The following CYTH3 variants were observed in gnomAD, a reference collection of about 807,000 sequenced individuals.
The protein encoded by CYTH3 is cytohesin 3.
In CYTH3, 23 loss-of-function variants were observed where a neutral mutation model predicts 55.1. The observed-to-expected ratio is 0.42, with a 90% CI of 0.30 to 0.59. The LOEUF (loss-of-function observed/expected upper bound fraction) is 0.59, where lower values mean the gene tolerates loss of function less well. Among genes scored for constraint, CYTH3 ranks in the 20% least tolerant of loss-of-function variants. CYTH3 has a pLI of 0.20. For synonymous variants in CYTH3, 249 were observed against 194.9 expected, an observed-to-expected ratio of 1.28 and a Z score of -2.31; for missense variants, 413 against 524.8, an observed-to-expected ratio of 0.79 and a Z score of 2.08.
intron 1 of CYTH3, among the ~76,000 whole-genome samples, chr7:6,229,496 C>T (rs1429701749): frequency 2.6e-5 from 4 of 151,948 alleles, no homozygotes; most frequent in Non-Finnish European, 5.9e-5. Context: ...GTTTTCCCAG[C>T]GGTCGAGTAG....
At chr7:6,234,221 C>T (rs1281455036) in intron 1 of CYTH3, among the ~76,000 whole-genome samples, 1 of 152,316 alleles carries the variant, frequency 6.6e-6, no homozygotes, top group Non-Finnish European at 1.5e-5. Context: ...TTAGAGGCCA[C>T]TGGAGATCCC....
chr7:6,221,610 C>A (rs893350231), intron 1 of CYTH3, among the ~76,000 whole-genome samples: 1 of 151,958 alleles, frequency 6.6e-6, no homozygotes, highest in African/African-American at 2.4e-5. Context: ...AAGATGTAAC[C>A]AGTGTGAGGA....
At chr7:6,202,001 CCATGG>C (rs1057383278) in intron 1 of CYTH3, among the ~76,000 whole-genome samples, 11 of 152,160 alleles carry the variant, frequency 7.2e-5, no homozygotes, top group Admixed American at 2.6e-4. Context: ...CTGATCTTTA[CCATGG>C]TAGACAGAAA....
intron 1 of CYTH3, among the ~76,000 whole-genome samples, chr7:6,233,214 G>C (rs962972811): frequency 6.6e-6 from 1 of 152,084 alleles, no homozygotes; most frequent in African/African-American, 2.4e-5. Context: ...ATCTCCAATA[G>C]GACTGCAGAT....
At chr7:6,224,866 C>G (rs1367286587) in intron 1 of CYTH3, among the ~76,000 whole-genome samples, 11 of 152,140 alleles carry the variant, frequency 7.2e-5, no homozygotes, top group Non-Finnish European at 1.3e-4. Context: ...CTGGGATATT[C>G]AGATAAGAAT....
chr7:6,183,928 C>T (rs961281123), intron 4 of CYTH3, among the ~76,000 whole-genome samples: 22 of 151,298 alleles, frequency 1.5e-4, no homozygotes, highest in African/African-American at 5.1e-4. Flanking sequence ...AAGGCGGCTA[C>T]TAGCAAGCCA....
At chr7:6,173,024 G>A in intron 6 of CYTH3, 18 of 1,079,050 alleles carry the variant, frequency 1.7e-5, no homozygotes, top group Non-Finnish European at 2.1e-5. Context: ...GCCGGCTGAG[G>A]CGACTCCCAC....
intron 1 of CYTH3, among the ~76,000 whole-genome samples, chr7:6,191,765 T>C (rs1156540516): frequency 6.6e-6 from 1 of 152,096 alleles, no homozygotes; most frequent in Non-Finnish European, 1.5e-5. Context: ...AAAATATTAA[T>C]ACATTTAATT....
intron 1 of CYTH3, among the ~76,000 whole-genome samples, chr7:6,215,748 C>T (rs1457344136): frequency 6.6e-6 from 1 of 152,070 alleles, no homozygotes; most frequent in Admixed American, 6.5e-5. Context: ...GAGACCTATG[C>T]CAAGACACAT....
chr7:6,190,371 TGAGGCTACTC>T, intron 2 of CYTH3, 68 bp downstream of exon 2: 4 of 1,003,826 alleles, frequency 4.0e-6, no homozygotes, highest in South Asian at 4.2e-5. Flanking sequence ...TACATTTTTG[TGAGGCTACTC>T]TTTTACTATT....
intron 1 of CYTH3, among the ~76,000 whole-genome samples, chr7:6,255,760 T>TG (rs1780085734): frequency 9.0e-6 from 1 of 110,922 alleles, no homozygotes; most frequent in African/African-American, 4.4e-5. Flanking sequence ...TTTAATCTGT[T>TG]TTTTTTTTTT....
At position 6,180,929 on chromosome 7, in the gene CYTH3, C is replaced by A. The variant is rs758574898; in HGVS notation, c.250-2988G>T. ...AGCCCAATCAAATCTACGGTGAGCA[C>A]TGATTAGTTAGCACTTACTCCTGAC... On this transcript the variant is annotated intron_variant, in intron 4 of 12. Coordinates refer to ENST00000350796, the MANE Select transcript of CYTH3 (RefSeq NM_004227.4). Among the ~76,000 whole-genome samples the A allele has an allele frequency of 2.0e-5, 3 of 152,178 alleles. 1 individual carries two copies. The South Asian group carries it at 6.2e-4, about 32-fold the overall frequency.
At chr7:6,177,754 G>A in intron 5 of CYTH3, 69 bp downstream of exon 5, 1 of 1,227,856 alleles carries the variant, frequency 8.1e-7, no homozygotes. Flanking sequence ...CGAAAGTGGA[G>A]CGTGAGCCTA....
chr7:6,206,252 C>G (rs1173347208), intron 1 of CYTH3, among the ~76,000 whole-genome samples: 1 of 152,126 alleles, frequency 6.6e-6, no homozygotes, highest in Admixed American at 6.5e-5. Flanking sequence ...TCTATATGTA[C>G]AATGGAATGT....
At chr7:6,264,481 G>A (rs918812809) in intron 1 of CYTH3, among the ~76,000 whole-genome samples, 5 of 151,950 alleles carry the variant, frequency 3.3e-5, no homozygotes, top group South Asian at 2.1e-4. Flanking sequence ...GTGTGGTGGC[G>A]CCTGCCTGTA....
At chr7:6,199,580 G>A (rs1420638196) in intron 1 of CYTH3, among the ~76,000 whole-genome samples, 1 of 152,156 alleles carries the variant, frequency 6.6e-6, no homozygotes, top group African/African-American at 2.4e-5. Context: ...GACATTTTCA[G>A]ATATAAAAAC....
intron 1 of CYTH3, among the ~76,000 whole-genome samples, chr7:6,216,668 G>C (rs1187232885): frequency 6.6e-6 from 1 of 151,974 alleles, no homozygotes. Flanking sequence ...TTGAGCCTGG[G>C]AGGCAGAGGT....
chr7:6,250,511 C>G (rs572301654), intron 1 of CYTH3, among the ~76,000 whole-genome samples: 23 of 152,292 alleles, frequency 1.5e-4, no homozygotes, highest in Non-Finnish European at 2.5e-4. Context: ...GACACTGACA[C>G]TGAATCGAGC....
intron 1 of CYTH3, among the ~76,000 whole-genome samples, chr7:6,253,105 A>G (rs1366246612): frequency 1.3e-5 from 2 of 152,238 alleles, no homozygotes; most frequent in Non-Finnish European, 2.9e-5. Context: ...AAAAAATTAA[A>G]GAAACTGAAG....
Sources: gnomAD v4.1 joint callset for allele counts (sites outside exome capture counted in the v4.1 genomes callset) on GRCh38, gnomAD v4.1.1 for gene constraint, MANE v1.5 for transcripts, NCBI Gene and HGNC (gene_info 2026-07-23, HGNC 2026-07-21) for gene names.